The following COMMD1 variants were observed in gnomAD, a reference collection of about 807,000 sequenced individuals.
The protein encoded by COMMD1 is copper metabolism domain containing 1.
A neutral mutation model predicts 17.2 loss-of-function variants in COMMD1; 10 were observed. That is an observed-to-expected ratio of 0.58 (90% confidence interval 0.36 to 0.99). The LOEUF (loss-of-function observed/expected upper bound fraction) is 0.99, where lower values mean the gene tolerates loss of function less well. Among genes scored for constraint, COMMD1 ranks in the 50% least tolerant of loss-of-function variants. COMMD1 has a pLI of 0.01. For synonymous variants in COMMD1, 97 were observed against 91.6 expected, an observed-to-expected ratio of 1.06 and a Z score of -0.34; for missense variants, 270 against 231.8, an observed-to-expected ratio of 1.17 and a Z score of -1.07.
rs1671126625 is a variant in COMMD1 at position 62,068,872 on chromosome 2, ACCTCGTGATTCACCCG to A, written c.463-66953_463-66938del. 2.0e-5 allele frequency among the ~76,000 whole-genome samples: 3 copies of A among 151,658 alleles called. No homozygotes were observed. In the South Asian group the frequency reaches 6.3e-4, roughly 32 times the overall value. On this transcript the variant is annotated intron_variant, in intron 2 of 2. Coordinates refer to ENST00000311832, the MANE Select transcript of COMMD1 (RefSeq NM_152516.4). ...TAGCCAGAATGGTCTCGATCTCCTG[ACCTCGTGATTCACCCG>A]CCTCGGCCTCCCAAAGTCCTGGGAT...
chr2:61,892,208 A>G (rs181553492), intron 1 of COMMD1, among the ~76,000 whole-genome samples: 3 of 152,124 alleles, frequency 2.0e-5, no homozygotes, highest in African/African-American at 4.8e-5. Context: ...GTCAGATCCA[A>G]GCAGACGTAA....
intron 2 of COMMD1, among the ~76,000 whole-genome samples, chr2:62,113,963 C>T (rs1672522940): frequency 6.6e-6 from 1 of 152,208 alleles, no homozygotes; most frequent in Non-Finnish European, 1.5e-5. Context: ...ATACTCATCA[C>T]AGCCCATTTA....
intron 1 of COMMD1, among the ~76,000 whole-genome samples, chr2:61,896,850 G>A (rs1669560354): frequency 7.2e-6 from 1 of 139,072 alleles, no homozygotes; most frequent in Non-Finnish European, 1.5e-5. Flanking sequence ...TTTTTAGACA[G>A]TCTTGCTCTG....
intron 2 of COMMD1, among the ~76,000 whole-genome samples, chr2:62,063,529 T>G (rs753719335): frequency 9.9e-5 from 15 of 152,138 alleles, no homozygotes; most frequent in Non-Finnish European, 1.9e-4. Flanking sequence ...ACAAGACAGA[T>G]TTTCTTATAG....
At chr2:62,013,320 T>G (rs1306460284) in intron 2 of COMMD1, among the ~76,000 whole-genome samples, 1 of 152,078 alleles carries the variant, frequency 6.6e-6, no homozygotes, top group Non-Finnish European at 1.5e-5. Context: ...CTTAATAAGA[T>G]GAGGTATTCA....
intron 2 of COMMD1, among the ~76,000 whole-genome samples, chr2:62,018,924 GC>G (rs1030786857): frequency 1.3e-5 from 2 of 152,144 alleles, no homozygotes; most frequent in African/African-American, 4.8e-5. Flanking sequence ...CCAAGAGGGT[GC>G]CTTGAATACT....
chr2:62,099,573 C>T (rs1672115966), intron 2 of COMMD1, among the ~76,000 whole-genome samples: 1 of 143,770 alleles, frequency 7.0e-6, no homozygotes, highest in African/African-American at 2.5e-5. Flanking sequence ...CTATCTCTCT[C>T]TTTTTTTTTT....
Position 62,000,902 on chromosome 2 carries a change from G to A in COMMD1, c.382G>A (p.Gly128Ser), listed in dbSNP as rs1461613413. ...TCGGGGCCTGAGCTGGAGAGTTGATGGCAAGTCTCAGTCAAGGCACTCAGC... is the reference window on the plus strand; with the variant it reads ...TCGGGGCCTGAGCTGGAGAGTTGATAGCAAGTCTCAGTCAAGGCACTCAGC... ...GLRGLSWRVD[G>S]KSQSRHSAQI... is the part of the protein sequence containing the mutation. The change falls in exon 2 of 3, where the codon GGC becomes AGC. Residue 128 changes from glycine (G) to serine (S), a missense_variant. By Grantham distance (56) the Gly-to-Ser change is moderately conservative. Transcript: ENST00000311832. The A allele has an allele frequency of 1.9e-6, 3 of 1,614,108 alleles. No homozygotes were observed. The South Asian group carries it at 3.3e-5, about 18-fold the overall frequency.
chr2:62,119,489 C>A (rs1356630776), intron 2 of COMMD1, among the ~76,000 whole-genome samples: 3 of 152,200 alleles, frequency 2.0e-5, no homozygotes, highest in Non-Finnish European at 4.4e-5. Flanking sequence ...AAAACAAAAT[C>A]CAAAACTTTT....
chr2:62,026,081 A>G (rs573011564), intron 2 of COMMD1, among the ~76,000 whole-genome samples: 19 of 152,324 alleles, frequency 1.2e-4, no homozygotes, highest in Admixed American at 3.9e-4. Context: ...AGGTAGAGCC[A>G]GAATTCAGAC....
chr2:61,995,770 C>G (rs1234163098), intron 1 of COMMD1, among the ~76,000 whole-genome samples: 3 of 152,200 alleles, frequency 2.0e-5, no homozygotes, highest in Non-Finnish European at 4.4e-5. Flanking sequence ...CTTGAAGCTT[C>G]AGTTTCCTTT....
intron 2 of COMMD1, among the ~76,000 whole-genome samples, chr2:62,122,506 C>T (rs1231674915): frequency 2.8e-5 from 4 of 142,750 alleles, no homozygotes; most frequent in African/African-American, 1.0e-4. Flanking sequence ...CTTTTATTAT[C>T]CACTGGCCTA....
At chr2:61,896,721 A>C (rs552250663) in intron 1 of COMMD1, among the ~76,000 whole-genome samples, 1 of 152,162 alleles carries the variant, frequency 6.6e-6, no homozygotes, top group South Asian at 2.1e-4. Flanking sequence ...CACCTAAAAA[A>C]CAGCAGATGC....
intron 2 of COMMD1, among the ~76,000 whole-genome samples, chr2:62,052,220 A>T (rs1251493995): frequency 6.6e-6 from 1 of 152,110 alleles, no homozygotes; most frequent in African/African-American, 2.4e-5. Flanking sequence ...GGAAGCTGAC[A>T]CTGGTGGATT....
chr2:61,917,862 TAAG>T (rs1670089726), intron 1 of COMMD1, among the ~76,000 whole-genome samples: 1 of 152,356 alleles, frequency 6.6e-6, no homozygotes, highest in Non-Finnish European at 1.5e-5. Flanking sequence ...CATATGTTAA[TAAG>T]AAGTTAACTT....
chr2:62,071,201 C>T (rs1046473066), intron 2 of COMMD1, among the ~76,000 whole-genome samples: 9 of 152,180 alleles, frequency 5.9e-5, no homozygotes, highest in East Asian at 5.8e-4. Flanking sequence ...GTTCCTCCCC[C>T]TTTTATACCA....
intron 1 of COMMD1, among the ~76,000 whole-genome samples, chr2:61,916,358 C>T (rs1269795825): frequency 2.6e-5 from 4 of 152,164 alleles, no homozygotes; most frequent in African/African-American, 4.8e-5. Flanking sequence ...GTTTAGCCAA[C>T]AGCCTTTTCT....
At chr2:61,968,022 G>A (rs544402064) in intron 1 of COMMD1, among the ~76,000 whole-genome samples, 4 of 152,202 alleles carry the variant, frequency 2.6e-5, no homozygotes, top group East Asian at 3.9e-4. Flanking sequence ...TTAGCCGGGC[G>A]TGGTGGCGTG....
intron 2 of COMMD1, among the ~76,000 whole-genome samples, chr2:62,060,483 C>G (rs901501558): frequency 1.3e-5 from 2 of 152,018 alleles, no homozygotes; most frequent in African/African-American, 4.8e-5. Flanking sequence ...ATAACTTTTG[C>G]TTTAAGTAGT....
Sources: allele counts gnomAD v4.1 joint callset (sites outside exome capture counted in the v4.1 genomes callset), GRCh38; gene constraint gnomAD v4.1.1; transcripts MANE v1.5; gene names NCBI Gene and HGNC (gene_info 2026-07-23, HGNC 2026-07-21).